PER3: variants seen among roughly 807,000 people sequenced by gnomAD.
The protein encoded by PER3 is period circadian regulator 3.
Under a neutral mutation model 127.2 loss-of-function variants are expected in PER3, and 107 were observed. The ratio of observed to expected loss-of-function variants is 0.84; its 90% confidence interval spans 0.72 to 0.99. The LOEUF is 0.99. Among genes scored for constraint, PER3 ranks in the 50% least tolerant of loss-of-function variants. The probability of loss-of-function intolerance (pLI) is 0.00; values close to 1 mark genes in which losing one functional copy is unlikely to be tolerated. For synonymous variants in PER3, 618 were observed against 585.8 expected (o/e 1.05, Z -0.79); for missense variants, 1,560 against 1,525.8 (o/e 1.02, Z -0.37).
chr1:7,785,344 C>T (rs1265264909), intron 2 of PER3, 97 bp from the exon 3 acceptor site: 2 of 921,012 alleles, frequency 2.2e-6, no homozygotes, highest in Non-Finnish European at 3.4e-6. Flanking sequence ...GCCGGTAGAG[C>T]ACTTAGAAAC....
At chr1:7,787,736 C>T in intron 4 of PER3, 1 of 386,330 alleles carries the variant, frequency 2.6e-6, no homozygotes, top group African/African-American at 2.1e-5. Flanking sequence ...GACGAGAACA[C>T]CGTCCACCCA....
chr1:7,839,007 A>AT (rs891200785), intron 21 of PER3, among the ~76,000 whole-genome samples: 2 of 98,320 alleles, frequency 2.0e-5, no homozygotes, highest in South Asian at 3.9e-4. Context: ...TGCCATAAAG[A>AT]TTTTTTTTTC....
intron 21 of PER3, among the ~76,000 whole-genome samples, chr1:7,841,727 C>G (rs959800018): frequency 2.0e-5 from 3 of 152,146 alleles, no homozygotes; most frequent in African/African-American, 4.8e-5. Flanking sequence ...GAATGAGTGT[C>G]TGTCATGTAA....
chr1:7,810,164 A>C, intron 12 of PER3, 143 bp downstream of exon 12: 1 of 904,652 alleles, frequency 1.1e-6, no homozygotes, highest in South Asian at 1.8e-5. Flanking sequence ...TTGGTTTGGA[A>C]AAAAAAGTCT....
At chr1:7,828,988 A>G (rs944778369) in intron 18 of PER3, among the ~76,000 whole-genome samples, 1 of 152,210 alleles carries the variant, frequency 6.6e-6, no homozygotes, top group African/African-American at 2.4e-5. Context: ...GTACTGAGAA[A>G]GTAGTAGTGC....
chr1:7,803,105 T>C lies in PER3; in HGVS notation c.931T>C (p.Tyr311His). 1 of 1,613,786 alleles carries C rather than the reference T, an allele frequency of 6.2e-7. No homozygotes were observed. The highest frequency in any genetic ancestry group is 8.5e-7 in the Non-Finnish European group (1 of 1,179,694). Residue 311 changes from tyrosine (Y) to histidine (H), a missense_variant, in exon 9 of 22, where the codon TAC becomes CAC. By Grantham distance (83) the Tyr-to-His change is moderately conservative (BLOSUM62 2). Coordinates refer to ENST00000377532, the MANE Select transcript of PER3 (RefSeq NM_001377275.1). The part of the protein sequence containing the change: ...QDLIGTSILS[Y>H]LHPEDRSLMV... Reference sequence around the variant, plus strand: ...CCTGATTGGAACATCGATCCTAAGCTACCTGCACCCTGAAGATCGTTCTCT... The same window carrying C: ...CCTGATTGGAACATCGATCCTAAGCCACCTGCACCCTGAAGATCGTTCTCT...
In PER3 at chr1:7,827,007, A is replaced by G. The variant is rs1577902407; in HGVS notation, c.2189-111A>G. ...TAGAGCCACTTTTTGTCATTCTGGT[A>G]GTATTGGCAAATGCTCATTCGTCAG... On this transcript the variant is annotated intron_variant, in intron 17 of 21. Coordinates refer to ENST00000377532, the MANE Select transcript of PER3 (RefSeq NM_001377275.1). 3 of 790,524 alleles carry G rather than the reference A, an allele frequency of 3.8e-6. No homozygotes were observed. In the East Asian group the frequency reaches 8.1e-5, roughly 21 times the overall value. 49.0% of individuals were successfully genotyped at this position (790,524 alleles called of 1,614,324 possible). A position where few individuals can be genotyped will look rare whatever the true frequency, so the allele number is the denominator to read the frequency against.
intron 19 of PER3, among the ~76,000 whole-genome samples, chr1:7,835,301 A>T (rs931114797): frequency 1.3e-5 from 2 of 152,234 alleles, no homozygotes; most frequent in African/African-American, 4.8e-5. Flanking sequence ...AACAAAGTCA[A>T]TAATTGGCTT....
intron 19 of PER3, among the ~76,000 whole-genome samples, chr1:7,835,011 A>G (rs1481727360): frequency 1.3e-5 from 2 of 152,114 alleles, no homozygotes; most frequent in African/African-American, 2.4e-5. Context: ...GGGGGTACAT[A>G]TATCATTAAT....
intron 5 of PER3, among the ~76,000 whole-genome samples, chr1:7,792,290 TCTCATGAGAA>T (rs1275228742): frequency 1.3e-5 from 2 of 151,860 alleles, no homozygotes; most frequent in African/African-American, 4.8e-5. Context: ...AACCATGAGC[TCTCATGAGAA>T]CTCACTATCA....
intron 18 of PER3, 92 bp downstream of exon 18, chr1:7,827,907 C>A: frequency 1.1e-6 from 1 of 947,838 alleles, no homozygotes; most frequent in Non-Finnish European, 1.6e-6. Context: ...CTGACATTCT[C>A]AGTAGGTAAT....
chr1:7,795,347 CAT>C (rs2097140513), intron 6 of PER3, among the ~76,000 whole-genome samples: 1 of 152,206 alleles, frequency 6.6e-6, no homozygotes, highest in Non-Finnish European at 1.5e-5. Flanking sequence ...ATAATAAACA[CAT>C]ATTCAAATGC....
At chr1:7,837,418 T>C (rs1015414094) in intron 21 of PER3, among the ~76,000 whole-genome samples, 4 of 152,190 alleles carry the variant, frequency 2.6e-5, no homozygotes, top group Non-Finnish European at 4.4e-5. Flanking sequence ...GTTGGAATGT[T>C]AGGGTACGAT....
chr1:7,818,046 CA>C (rs2097259503), intron 13 of PER3, among the ~76,000 whole-genome samples: 1 of 152,138 alleles, frequency 6.6e-6, no homozygotes, highest in Non-Finnish European at 1.5e-5. Context: ...TGCATAACCT[CA>C]ATCTAATCAT....
At chr1:7,836,160 T>C (rs1402712602) in intron 20 of PER3, among the ~76,000 whole-genome samples, 1 of 151,564 alleles carries the variant, frequency 6.6e-6, no homozygotes, top group Non-Finnish European at 1.5e-5. Flanking sequence ...ACCATGCGTG[T>C]CTAATTTTTG....
chr1:7,827,460 A>G lies in PER3; in HGVS notation c.2531A>G (p.Tyr844Cys). 2 of 1,614,096 alleles carry G rather than the reference A, an allele frequency of 1.2e-6. No homozygotes were observed. Among genetic ancestry groups the G allele is most frequent in the South Asian group, 2.2e-5 (2 of 91,080 alleles). The change falls in exon 18 of 22, where the codon TAC becomes TGC. Residue 844 changes from tyrosine (Y) to cysteine (C), a missense_variant. This residue lies in a region of PER3 where 1,332 missense variants were observed against 1,223.6 expected (regional missense o/e 1.09). Transcript: ENST00000377532. ...GLPLSEGLQP[Y>C]PAFPFPYLDT... The stretch of plus-strand genomic sequence containing the variant: ...CCCTTGTCCGAGGGCTTGCAGCCTT[A>G]CCCAGCTTTCCCTTTTCCTTACTTG...
At position 7,808,299 on chromosome 1, in the gene PER3, T is replaced by TA. The variant is rs1271991842; in HGVS notation, c.1137-591dup. On this transcript the variant is annotated intron_variant, in intron 10 of 21. Coordinates refer to ENST00000377532, the MANE Select transcript of PER3 (RefSeq NM_001377275.1). Reference sequence around the variant, plus strand: ...TGCCTGTCACATAGAAGGTCCCAAGTAAACATCAGTTCCTTCCCTTCTTTG... The same window carrying TA: ...TGCCTGTCACATAGAAGGTCCCAAGTAAAACATCAGTTCCTTCCCTTCTTTG... 2.7e-5 allele frequency among the ~76,000 whole-genome samples: 4 copies of TA among 146,556 alleles called. No homozygotes were observed. In the South Asian group the frequency reaches 8.6e-4, roughly 32 times the overall value.
intron 6 of PER3, among the ~76,000 whole-genome samples, chr1:7,796,015 A>G (rs2097143716): frequency 6.6e-6 from 1 of 152,164 alleles, no homozygotes; most frequent in Non-Finnish European, 1.5e-5. Flanking sequence ...GGGGTTCAAA[A>G]TGGTCCCATC....
At chr1:7,836,956 T>C (rs1425427860) in intron 20 of PER3, 43 bp from the exon 21 acceptor site, 7 of 1,516,624 alleles carry the variant, frequency 4.6e-6, no homozygotes, top group Non-Finnish European at 9.0e-7. Context: ...AAGAACCCTG[T>C]GTCTTATTCA....
Sources: gnomAD v4.1 joint callset for allele counts (sites outside exome capture counted in the v4.1 genomes callset) on GRCh38, gnomAD v4.1.1 for gene constraint, gnomAD v4.1.1 regional missense constraint, MANE v1.5 for transcripts, NCBI Gene and HGNC (gene_info 2026-07-23, HGNC 2026-07-21) for gene names.